CD5: variants seen among roughly 807,000 people sequenced by gnomAD.
CD5 encodes the protein T-cell surface glycoprotein CD5.
A neutral mutation model predicts 60.3 loss-of-function variants in CD5; 36 were observed. The observed-to-expected ratio is 0.60, with a 90% CI of 0.46 to 0.79. The LOEUF (loss-of-function observed/expected upper bound fraction) is 0.79, where lower values mean the gene tolerates loss of function less well. CD5 is among the 30% of genes least tolerant of loss of function. The pLI is 0.00. For missense variants in CD5, 540 were observed against 630.6 expected, an observed-to-expected ratio of 0.86 and a Z score of 1.54; for synonymous variants, 230 against 257.6, an observed-to-expected ratio of 0.89 and a Z score of 1.03.
chr11:61,121,543 C>A, intron 5 of CD5, 68 bp from the exon 6 acceptor site: 1 of 1,345,174 alleles, frequency 7.4e-7, no homozygotes, highest in Non-Finnish European at 9.6e-7. Flanking sequence ...TGGCATGGGG[C>A]CCCAGGAAGC....
chr11:61,119,614 T>C, intron 5 of CD5, 39 bp downstream of exon 5: 1 of 1,454,580 alleles, frequency 6.9e-7, no homozygotes, highest in Non-Finnish European at 9.4e-7. Flanking sequence ...CACCTTCTGC[T>C]GCCCTAGGTG....
upstream of CD5, among the ~76,000 whole-genome samples, chr11:61,099,987 T>C (rs1168915146): frequency 7.9e-6 from 1 of 125,862 alleles, no homozygotes. Context: ...TTCACACACA[T>C]CAACATGGAG....
chr11:61,096,343 C>T, the CD5 span, among the ~76,000 whole-genome samples: 63 of 152,314 alleles, frequency 4.1e-4, no homozygotes, highest in Admixed American at 3.1e-3. Flanking sequence ...TGAAGGGGAC[C>T]GGGCGCAAGC....
chr11:61,106,379 G>A (rs1481609445), intron 1 of CD5, among the ~76,000 whole-genome samples: 2 of 152,106 alleles, frequency 1.3e-5, no homozygotes, highest in South Asian at 4.1e-4. Context: ...CGGATGGCAG[G>A]GCAAAGGCAA....
chr11:61,109,508 TA>T (rs1456998854), intron 1 of CD5, among the ~76,000 whole-genome samples: 1 of 147,892 alleles, frequency 6.8e-6, no homozygotes, highest in African/African-American at 2.5e-5. Flanking sequence ...AAAACAAAAT[TA>T]AAAGAAACCT....
At chr11:61,111,126 G>A (rs1213872641) in intron 1 of CD5, among the ~76,000 whole-genome samples, 1 of 152,214 alleles carries the variant, frequency 6.6e-6, no homozygotes, top group Non-Finnish European at 1.5e-5. Context: ...AGGCTGTTCT[G>A]TGTGGAATCT....
At position 61,125,060 on chromosome 11, in the gene CD5, C is replaced by A; in HGVS notation, c.1308C>A (p.Thr436=). ...NMSFHRNHTA[T]VRSHAENPTA... ...CTTTCCATCGCAACCACACGGCAAC[C>A]GTCCGATCCCATGCTGAGAACCCCA... Residue 436 remains threonine, a synonymous_variant, in exon 9 of 11, where the codon ACC becomes ACA. Coordinates refer to ENST00000347785, the MANE Select transcript of CD5 (RefSeq NM_014207.4). The A allele has an allele frequency of 6.2e-7, 1 of 1,614,118 alleles. No individual in the cohort carries two copies. The highest frequency in any genetic ancestry group is 2.2e-5 in the East Asian group (1 of 44,866).
intron 1 of CD5, among the ~76,000 whole-genome samples, chr11:61,103,971 G>A (rs1292972460): frequency 2.2e-5 from 3 of 134,754 alleles, no homozygotes; most frequent in East Asian, 2.4e-4. Context: ...AGTATTTTGT[G>A]GGGGGGAAAG....
intron 1 of CD5, among the ~76,000 whole-genome samples, chr11:61,104,987 G>C (rs1860757523): frequency 6.6e-6 from 1 of 152,280 alleles, no homozygotes; most frequent in Non-Finnish European, 1.5e-5. Flanking sequence ...AGCCACCAGA[G>C]CTGGGGACAC....
At chr11:61,124,984 C>G (rs375846752) in intron 8 of CD5, 48 bp from the exon 9 acceptor site, 2 of 1,611,380 alleles carry the variant, frequency 1.2e-6, no homozygotes, top group African/African-American at 1.3e-5. Context: ...GGGAAGGAGA[C>G]GGAGGACACA....
chr11:61,094,840 C>T, the CD5 span, among the ~76,000 whole-genome samples: 5 of 152,050 alleles, frequency 3.3e-5, no homozygotes, highest in African/African-American at 1.2e-4. Context: ...ATAGACTGGC[C>T]AGCATTAGAG....
chr11:61,097,201 T>A, the CD5 span, among the ~76,000 whole-genome samples: 1 of 152,184 alleles, frequency 6.6e-6, no homozygotes, highest in Non-Finnish European at 1.5e-5. Context: ...TCATGTTATG[T>A]ATGCGGAGGA....
In CD5 at chr11:61,113,362, C is replaced by T. The variant is rs547527047; in HGVS notation, c.56-1694C>T. Among the ~76,000 whole-genome samples the T allele has an allele frequency of 1.3e-4, 20 of 152,328 alleles. 2 individuals carry two copies. Among genetic ancestry groups the T allele is most frequent in the African/African-American group, 4.3e-4 (18 of 41,576 alleles). On this transcript the variant is annotated intron_variant, in intron 1 of 10. Coordinates refer to ENST00000347785, the MANE Select transcript of CD5 (RefSeq NM_014207.4). ...AGATGAGCTGCTCTGCTGAGAGCCC[C>T]GCAATGGGCAACTTTGCCCCCACTC...
rs1214898740 is a variant in CD5, at chr11:61,122,903, C to T, written c.1100-4C>T. On this transcript the variant is annotated splice_polypyrimidine_tract_variant and splice_region_variant and intron_variant, in intron 6 of 10. Transcript: ENST00000347785. ...GACTGACCTAACTCTTCCTCCTTCC[C>T]CAGGCCAGGATCCAAACCCCGCAGG... 3 of 1,610,618 alleles carry T rather than the reference C, an allele frequency of 1.9e-6. No individual in the cohort carries two copies. Among genetic ancestry groups the T allele is most frequent in the Non-Finnish European group, 2.5e-6 (3 of 1,177,660 alleles).
At chr11:61,101,911 T>C (rs866994657), upstream of CD5, among the ~76,000 whole-genome samples, 7 of 142,464 alleles carry the variant, frequency 4.9e-5, no homozygotes, top group East Asian at 2.1e-4. Context: ...TCTCTCTCTC[T>C]ACACACACAC....
upstream of CD5, among the ~76,000 whole-genome samples, chr11:61,101,978 G>A (rs530564018): frequency 4.6e-4 from 70 of 151,444 alleles, no homozygotes; most frequent in Non-Finnish European, 5.7e-4. Context: ...CATTCATGGC[G>A]CAGCCATCTC....
Position 61,125,072 on chromosome 11 carries a change from T to C in CD5, c.1320T>C (p.His440=), listed in dbSNP as rs755462423. 8.1e-6 allele frequency: 13 copies of C among 1,613,982 alleles called. No individual in the cohort carries two copies. In the Admixed American group the frequency reaches 1.0e-4, roughly 12 times the overall value. The part of the protein sequence containing the change: ...HRNHTATVRS[H]AENPTASHVD... ...ACCACACGGCAACCGTCCGATCCCA[T>C]GCTGAGAACCCCACAGCCTCCCACG... is the stretch of plus-strand genomic sequence containing the variant. The change falls in exon 9 of 11, where the codon CAT becomes CAC. Residue 440 remains histidine, a synonymous_variant. Transcript: ENST00000347785.
chr11:61,117,002 A>C (rs545891180), intron 2 of CD5, among the ~76,000 whole-genome samples: 39 of 152,364 alleles, frequency 2.6e-4, no homozygotes, highest in African/African-American at 7.9e-4. Flanking sequence ...TTTACCCAAG[A>C]GAAATGGAAA....
chr11:61,116,831 CACA>C (rs919143778), intron 2 of CD5, among the ~76,000 whole-genome samples: 1 of 146,472 alleles, frequency 6.8e-6, no homozygotes, highest in Non-Finnish European at 1.5e-5. Context: ...ATACAACACA[CACA>C]ACACACACAC....
Sources: gnomAD v4.1 joint callset for allele counts (sites outside exome capture counted in the v4.1 genomes callset) on GRCh38, gnomAD v4.1.1 for gene constraint, MANE v1.5 for transcripts, NCBI Gene and HGNC (gene_info 2026-07-23, HGNC 2026-07-21) for gene names.